Variants in GRIN2A observed in about 807,000 individuals in gnomAD.
GRIN2A encodes glutamate ionotropic receptor NMDA type subunit 2A, also known as glutamate receptor ionotropic, NMDA 2A.
Under a neutral mutation model 113.4 loss-of-function variants are expected in GRIN2A, and 22 were observed. The observed-to-expected ratio is 0.19, with a 90% CI of 0.14 to 0.28. GRIN2A has a LOEUF of 0.28. GRIN2A is among the 10% of genes least tolerant of loss of function. The pLI is 1.00. For missense variants in GRIN2A, 1,502 were observed against 1,887.0 expected, an observed-to-expected ratio of 0.80 and a Z score of 3.78; for synonymous variants, 827 against 738.4, an observed-to-expected ratio of 1.12 and a Z score of -1.94.
intron 2 of GRIN2A, among the ~76,000 whole-genome samples, chr16:10,081,014 TG>T (rs938551674): frequency 2.2e-4 from 34 of 152,328 alleles, no homozygotes; most frequent in African/African-American, 8.2e-4. Flanking sequence ...GAGTTGTACC[TG>T]AGGGCAGAAT....
intron 4 of GRIN2A, among the ~76,000 whole-genome samples, chr16:9,879,965 C>T (rs1371879790): frequency 3.3e-5 from 5 of 152,306 alleles, no homozygotes; most frequent in Admixed American, 3.3e-4. Flanking sequence ...CATAAAGTTT[C>T]CTTCAAAAGA....
intron 2 of GRIN2A, among the ~76,000 whole-genome samples, chr16:10,095,678 G>C (rs1276320891): frequency 6.6e-6 from 1 of 150,788 alleles, no homozygotes. Context: ...GGAAGCATCA[G>C]AACCCAGCAT....
At chr16:9,868,130 C>T (rs908411956) in intron 4 of GRIN2A, among the ~76,000 whole-genome samples, 2 of 152,140 alleles carry the variant, frequency 1.3e-5, no homozygotes, top group Admixed American at 1.3e-4. Flanking sequence ...TTTTTTACTG[C>T]TTTCCTAACT....
intron 7 of GRIN2A, among the ~76,000 whole-genome samples, chr16:9,835,113 C>T (rs2042564061): frequency 6.6e-6 from 1 of 152,190 alleles, no homozygotes; most frequent in African/African-American, 2.4e-5. Flanking sequence ...CCACACTCTC[C>T]ATTTCACCTT....
intron 10 of GRIN2A, among the ~76,000 whole-genome samples, chr16:9,808,209 T>C (rs2042018873): frequency 6.6e-6 from 1 of 152,242 alleles, no homozygotes; most frequent in South Asian, 2.1e-4. Flanking sequence ...TTTGCCGGAA[T>C]ATCTCATTTA....
rs1900304489 is a variant in GRIN2A at position 9,755,207 on chromosome 16, G to T, written c.*7942C>A. On this transcript the variant is annotated 3_prime_UTR_variant, in exon 13 of 13. Transcript: ENST00000330684. ...TGCAGACCGCTGACACTTTATCTGA[G>T]GAAGTTAATCTGAGGAATGACTTCA... 2 of 188,624 alleles carry T rather than the reference G, an allele frequency of 1.1e-5. No homozygotes were observed. The highest frequency in any genetic ancestry group is 2.2e-5 in the Non-Finnish European group (2 of 89,602). The allele number at this position is 188,624 out of a possible 1,614,324, so 11.7% of individuals were successfully genotyped here.
At chr16:9,895,842 G>A (rs1207941421) in intron 3 of GRIN2A, among the ~76,000 whole-genome samples, 4 of 152,198 alleles carry the variant, frequency 2.6e-5, no homozygotes, top group Non-Finnish European at 4.4e-5. Flanking sequence ...ACACTTTGGG[G>A]TGAATGTAGT....
intron 2 of GRIN2A, among the ~76,000 whole-genome samples, chr16:10,132,637 C>G (rs562528445): frequency 2.3e-4 from 35 of 152,220 alleles, no homozygotes; most frequent in African/African-American, 7.5e-4. Flanking sequence ...CTAACTAGAT[C>G]TGTCATTTTA....
chr16:10,051,131 A>C (rs192565177), intron 2 of GRIN2A, among the ~76,000 whole-genome samples: 3 of 152,300 alleles, frequency 2.0e-5, no homozygotes, highest in Admixed American at 1.3e-4. Flanking sequence ...GTACAAAGTC[A>C]AGGGAGTTGA....
intron 2 of GRIN2A, among the ~76,000 whole-genome samples, chr16:10,107,660 C>T (rs1455238304): frequency 2.6e-5 from 4 of 152,204 alleles, no homozygotes; most frequent in Admixed American, 2.6e-4. Context: ...CCCGTCCTCC[C>T]CCTGGGAATC....
At chr16:9,965,180 C>T (rs549932131) in intron 2 of GRIN2A, among the ~76,000 whole-genome samples, 5 of 152,200 alleles carry the variant, frequency 3.3e-5, no homozygotes, top group African/African-American at 1.2e-4. Context: ...CAGTTGCATA[C>T]TCACACGCTG....
chr16:9,964,334 T>A (rs2045508517), intron 2 of GRIN2A, among the ~76,000 whole-genome samples: 1 of 152,246 alleles, frequency 6.6e-6, no homozygotes, highest in African/African-American at 2.4e-5. Context: ...TACTCAGCCT[T>A]GAATTCTTCT....
intron 9 of GRIN2A, among the ~76,000 whole-genome samples, chr16:9,827,993 T>G (rs976931699): frequency 6.6e-6 from 1 of 152,184 alleles, no homozygotes; most frequent in Non-Finnish European, 1.5e-5. Context: ...TTTTTCCTAC[T>G]AGAATTTAAG....
intron 11 of GRIN2A, among the ~76,000 whole-genome samples, chr16:9,797,741 C>A (rs1389334588): frequency 1.3e-5 from 2 of 152,180 alleles, no homozygotes; most frequent in African/African-American, 4.8e-5. Context: ...TCAACCACAG[C>A]CTACCAACAT....
chr16:9,815,413 C>CAAAAAAAAAAAAAA (rs71157786), intron 10 of GRIN2A, among the ~76,000 whole-genome samples: 1 of 111,920 alleles, frequency 8.9e-6, no homozygotes, highest in African/African-American at 3.1e-5. Context: ...TAACAACAAC[C>CAAAAAAAAAAAAAA]AAAAAAAAAA....
intron 2 of GRIN2A, among the ~76,000 whole-genome samples, chr16:10,173,156 C>T (rs1886274164): frequency 6.6e-6 from 1 of 152,336 alleles, no homozygotes; most frequent in Non-Finnish European, 1.5e-5. Context: ...TCGCATCTGA[C>T]ATGCCTCATG....
intron 2 of GRIN2A, among the ~76,000 whole-genome samples, chr16:10,079,504 G>A (rs377206265): frequency 6.6e-6 from 1 of 152,180 alleles, no homozygotes; most frequent in South Asian, 2.1e-4. Flanking sequence ...GTGTTAGGAG[G>A]TAGGGCCCTT....
In GRIN2A at chr16:10,150,655, C is replaced by T. The variant is rs1207772908; in HGVS notation, c.414+29343G>A. On this transcript the variant is annotated intron_variant, in intron 2 of 12. Coordinates refer to ENST00000330684, the MANE Select transcript of GRIN2A (RefSeq NM_001134407.3). ...CACCCAGCGTCTAGACACTTGCAGT[C>T]ACCTGCTGCCTATACTCCACACGGC... is the stretch of plus-strand genomic sequence containing the variant. Among the ~76,000 whole-genome samples the T allele has an allele frequency of 2.0e-5, 3 of 147,304 alleles. No individual in the cohort carries two copies. The East Asian group carries it at 6.6e-4, about 32-fold the overall frequency.
At chr16:9,985,913 T>C (rs1361284953) in intron 2 of GRIN2A, among the ~76,000 whole-genome samples, 2 of 152,206 alleles carry the variant, frequency 1.3e-5, no homozygotes, top group Admixed American at 6.5e-5. Context: ...GATGTGACTA[T>C]CATGCATTGT....
Sources: allele counts gnomAD v4.1 joint callset (sites outside exome capture counted in the v4.1 genomes callset), GRCh38; gene constraint gnomAD v4.1.1; transcripts MANE v1.5; gene names NCBI Gene and HGNC (gene_info 2026-07-23, HGNC 2026-07-21).